QTMAN: variants seen among roughly 807,000 people sequenced by gnomAD.
QTMAN encodes tRNA-queuosine alpha-mannosyltransferase.
the QTMAN span, among the ~76,000 whole-genome samples, chr2:144,275,561 A>G: frequency 1.3e-5 from 2 of 152,046 alleles, no homozygotes; most frequent in Non-Finnish European, 2.9e-5. Context: ...CCTTCTAAAT[A>G]TAATTATGAC....
At chr2:144,100,859 CTTTTTTTTT>C in the QTMAN span, among the ~76,000 whole-genome samples, 4 of 77,920 alleles carry the variant, frequency 5.1e-5, no homozygotes, top group East Asian at 8.5e-4. Flanking sequence ...GTCTTTCTTT[CTTTTTTTTT>C]TTTTTTTTTT....
the QTMAN span, among the ~76,000 whole-genome samples, chr2:144,270,755 TG>T: frequency 6.6e-6 from 1 of 152,188 alleles, no homozygotes; most frequent in African/African-American, 2.4e-5. Flanking sequence ...CAAACCACCA[TG>T]GCACATGTAT....
the QTMAN span, among the ~76,000 whole-genome samples, chr2:143,962,494 C>G: frequency 6.6e-6 from 1 of 152,090 alleles, no homozygotes; most frequent in Admixed American, 6.6e-5. Context: ...GACACAAACA[C>G]TTATTATTGT....
the QTMAN span, among the ~76,000 whole-genome samples, chr2:143,961,342 A>G: frequency 5.3e-5 from 8 of 151,990 alleles, no homozygotes; most frequent in African/African-American, 1.9e-4. Flanking sequence ...ACCATACCAC[A>G]CTCCAAATCA....
the QTMAN span, among the ~76,000 whole-genome samples, chr2:144,093,886 T>C: frequency 1.3e-5 from 2 of 152,198 alleles, no homozygotes; most frequent in Non-Finnish European, 2.9e-5. Context: ...GGTGAATATA[T>C]ATACACATTT....
chr2:144,091,331 G>A, the QTMAN span, among the ~76,000 whole-genome samples: 3 of 152,140 alleles, frequency 2.0e-5, no homozygotes, highest in Admixed American at 2.0e-4. Context: ...GGAAAAACCT[G>A]GGAGAAAATG....
At chr2:144,183,181 T>C in the QTMAN span, among the ~76,000 whole-genome samples, 2 of 151,580 alleles carry the variant, frequency 1.3e-5, no homozygotes, top group African/African-American at 4.8e-5. Context: ...AATTTAGAGG[T>C]TGGGTTTCAG....
At chr2:144,331,234 T>C in the QTMAN span, among the ~76,000 whole-genome samples, 2 of 152,096 alleles carry the variant, frequency 1.3e-5, no homozygotes, top group Non-Finnish European at 2.9e-5. Flanking sequence ...CTAATTAAAA[T>C]TCAATATTTC....
At chr2:144,187,497 T>C in the QTMAN span, among the ~76,000 whole-genome samples, 2 of 152,136 alleles carry the variant, frequency 1.3e-5, no homozygotes, top group East Asian at 1.9e-4. Flanking sequence ...TGAGGCCCAC[T>C]TTCCACGCTA....
the QTMAN span, among the ~76,000 whole-genome samples, chr2:144,331,703 C>T: frequency 6.6e-6 from 1 of 152,138 alleles, no homozygotes; most frequent in African/African-American, 2.4e-5. Context: ...TGCTGCATTC[C>T]CAAGACTTAA....
the QTMAN span, among the ~76,000 whole-genome samples, chr2:144,259,452 C>G: frequency 3.0e-4 from 45 of 152,156 alleles, no homozygotes; most frequent in African/African-American, 1.1e-3. Context: ...AGCCACCCCG[C>G]CCAGTAGGAT....
chr2:144,285,451 G>C, the QTMAN span, among the ~76,000 whole-genome samples: 1 of 152,064 alleles, frequency 6.6e-6, no homozygotes, highest in Non-Finnish European at 1.5e-5. Context: ...TATAAGGAAG[G>C]GATCATCACC....
chr2:144,090,776 G>C, the QTMAN span, among the ~76,000 whole-genome samples: 1 of 151,910 alleles, frequency 6.6e-6, no homozygotes, highest in East Asian at 1.9e-4. Context: ...CTCTTCAATT[G>C]AGTTACCATT....
chr2:144,307,584 T>C, the QTMAN span, among the ~76,000 whole-genome samples: 1 of 152,246 alleles, frequency 6.6e-6, no homozygotes, highest in Non-Finnish European at 1.5e-5. Flanking sequence ...CAAGATCATA[T>C]ATAGAGAGCA....
At chr2:144,252,362 G>C in the QTMAN span, among the ~76,000 whole-genome samples, 1 of 152,038 alleles carries the variant, frequency 6.6e-6, no homozygotes. Flanking sequence ...CTGGGTGAAA[G>C]AGCAAGACCC....
At chr2:144,217,903 A>G in the QTMAN span, among the ~76,000 whole-genome samples, 2 of 152,228 alleles carry the variant, frequency 1.3e-5, no homozygotes, top group Non-Finnish European at 2.9e-5. Context: ...AATCTGTAGT[A>G]TTTCTGTGTA....
chr2:144,030,168 G>C, the QTMAN span, among the ~76,000 whole-genome samples: 1 of 152,164 alleles, frequency 6.6e-6, no homozygotes, highest in Admixed American at 6.6e-5. Flanking sequence ...TGAGGTGAAA[G>C]TATTAATCTT....
chr2:144,036,593 T>C, the QTMAN span, among the ~76,000 whole-genome samples: 7 of 152,182 alleles, frequency 4.6e-5, no homozygotes, highest in African/African-American at 1.4e-4. Flanking sequence ...ATAGACCTGA[T>C]ACAATTTATT....
chr2:144,048,227 C>A, the QTMAN span, among the ~76,000 whole-genome samples: 1 of 152,154 alleles, frequency 6.6e-6, no homozygotes, highest in African/African-American at 2.4e-5. Context: ...ATACATAATA[C>A]AGCCAAGTGA....
Sources: allele counts gnomAD v4.1 joint callset (sites outside exome capture counted in the v4.1 genomes callset), GRCh38; gene constraint gnomAD v4.1.1; transcripts MANE v1.5; gene names NCBI Gene and HGNC (gene_info 2026-07-23, HGNC 2026-07-21).